NR1I2: variants seen among roughly 807,000 people sequenced by gnomAD.
NR1I2 encodes nuclear receptor subfamily 1 group I member 2, also known as orphan nuclear receptor PAR1.
NR1I2 carries 42 observed loss-of-function variants against 43.3 expected under a neutral mutation model. That is an observed-to-expected ratio of 0.97 (90% CI 0.76 to 1.26). The LOEUF is 1.26. Ranked by LOEUF, NR1I2 falls within the 50% of genes most tolerant of loss-of-function variation. The pLI, the probability that NR1I2 is intolerant of heterozygous loss-of-function variation, is 0.00. For synonymous variants in NR1I2, 229 were observed against 215.0 expected (o/e 1.06, Z -0.57); for missense variants, 559 against 566.7 (o/e 0.99, Z 0.14).
chr3:119,817,416 G>A lies in NR1I2; in HGVS notation c.*204G>A. 6.9e-7 allele frequency: 1 copy of A among 1,443,052 alleles called. No homozygotes were observed. The highest frequency in any genetic ancestry group is 9.1e-7 in the Non-Finnish European group (1 of 1,098,060). 89.4% of individuals were successfully genotyped at this position (1,443,052 alleles called of 1,614,324 possible). A position where few individuals can be genotyped will look rare whatever the true frequency, so the allele number is the denominator to read the frequency against. On this transcript the variant is annotated 3_prime_UTR_variant, in exon 9 of 9. Transcript: ENST00000393716. ...CCCCCACCCCCAGTTCAGTCTGTAG[G>A]GAGTGAAGCCACAGACTCTTACGTG...
chr3:119,818,196 G>A lies in NR1I2; in HGVS notation c.*984G>A. 1 of 985,778 alleles carries A rather than the reference G, an allele frequency of 1.0e-6. No individual in the cohort carries two copies. The highest frequency in any genetic ancestry group is 1.2e-6 in the Non-Finnish European group (1 of 830,060). The allele number at this position is 985,778 out of a possible 1,614,324, so 61.1% of individuals were successfully genotyped here. On this transcript the variant is annotated 3_prime_UTR_variant, in exon 9 of 9. Coordinates refer to ENST00000393716, the MANE Select transcript of NR1I2 (RefSeq NM_003889.4). Reference sequence around the variant, plus strand: ...GGGCCTGGGTTTGTTCCTGGGGCTGGAATGCTGGGTATGCTCTGTGACAAG... The same window carrying A: ...GGGCCTGGGTTTGTTCCTGGGGCTGAAATGCTGGGTATGCTCTGTGACAAG...
At chr3:119,801,822 G>A (rs74745893) in intron 1 of NR1I2, among the ~76,000 whole-genome samples, 5,252 of 152,254 alleles carry the variant, frequency 0.034, 297 homozygotes, top group African/African-American at 0.12. Flanking sequence ...TCACACATCT[G>A]CTGTTTGGTG....
intron 2 of NR1I2, among the ~76,000 whole-genome samples, chr3:119,809,111 T>C (rs981031492): frequency 6.6e-6 from 1 of 152,178 alleles, no homozygotes; most frequent in African/African-American, 2.4e-5. Context: ...ACCTGGCTGT[T>C]CCATGCTCCT....
rs370370376 is a variant in NR1I2 at position 119,792,883 on chromosome 3, A to AAAAC, written c.-23+10591_-23+10594dup. 1.7e-3 allele frequency among the ~76,000 whole-genome samples: 263 copies of AAAAC among 152,056 alleles called. 2 individuals carry two copies. Among genetic ancestry groups the AAAAC allele is most frequent in the African/African-American group, 5.9e-3 (244 of 41,472 alleles). On this transcript the variant is annotated intron_variant, in intron 1 of 8. Coordinates refer to ENST00000393716, the MANE Select transcript of NR1I2 (RefSeq NM_003889.4). The stretch of plus-strand genomic sequence containing the variant: ...GAGGAAGACTCCGTCTCAAAAACAA[A>AAAAC]AAACAAACAAAAAAAAAGAAACGTG...
intron 2 of NR1I2, among the ~76,000 whole-genome samples, chr3:119,809,052 G>A (rs992342408): frequency 6.6e-6 from 1 of 152,180 alleles, no homozygotes; most frequent in Non-Finnish European, 1.5e-5. Context: ...AGGTCACTGC[G>A]GGCTTGGCTC....
chr3:119,800,047 G>A (rs2055057826), intron 1 of NR1I2, among the ~76,000 whole-genome samples: 1 of 152,002 alleles, frequency 6.6e-6, no homozygotes. Flanking sequence ...CGCTTTTGGT[G>A]TCACATCTAA....
intron 1 of NR1I2, among the ~76,000 whole-genome samples, chr3:119,801,472 C>A (rs921919464): frequency 1.3e-5 from 2 of 152,218 alleles, no homozygotes; most frequent in Non-Finnish European, 2.9e-5. Context: ...CTCAGACACC[C>A]AGTCACTGTC....
In NR1I2 at chr3:119,817,671, C is replaced by G. The variant is rs1018423296; in HGVS notation, c.*459C>G. ...CCTCTAATAGTCCTGTCTCCCACTT[C>G]CCACTCGTTCCCCTCCTCTTCCGAG... On this transcript the variant is annotated 3_prime_UTR_variant, in exon 9 of 9. Coordinates refer to ENST00000393716, the MANE Select transcript of NR1I2 (RefSeq NM_003889.4). 2.7e-6 allele frequency: 3 copies of G among 1,116,166 alleles called. No homozygotes were observed. The highest frequency in any genetic ancestry group is 6.5e-5 in the East Asian group (1 of 15,368). The allele number at this position is 1,116,166 out of a possible 1,614,324, so 69.1% of individuals were successfully genotyped here.
intron 1 of NR1I2, chr3:119,792,168 C>A: frequency 1.1e-6 from 1 of 944,638 alleles, no homozygotes; most frequent in Non-Finnish European, 1.7e-6. Flanking sequence ...CTATGATGAG[C>A]GTGTGCTGCC....
chr3:119,810,304 GAACA>G, intron 3 of NR1I2, 110 bp downstream of exon 3: 6 of 1,456,652 alleles, frequency 4.1e-6, no homozygotes, highest in Non-Finnish European at 5.5e-6. Flanking sequence ...GTGTGCGCGT[GAACA>G]CACGTGCACA....
intron 2 of NR1I2, among the ~76,000 whole-genome samples, chr3:119,808,474 A>G (rs2055192433): frequency 6.6e-6 from 1 of 152,272 alleles, no homozygotes; most frequent in Admixed American, 6.5e-5. Flanking sequence ...AGCTGGGCAC[A>G]CGCCACTTGA....
rs3030846 is a variant in NR1I2, at chr3:119,787,657, ATGTGTGTGTGTGTGTG to A, written c.-23+5392_-23+5407del. On this transcript the variant is annotated intron_variant, in intron 1 of 8. Transcript: ENST00000393716. ...TCCTCTGGCCAGTTCTGCTATTAATATGTGTGTGTGTGTGTGTGTGTGTGTGTGTGTGTGTGTGTGT... is the reference window on the plus strand; with the variant it reads ...TCCTCTGGCCAGTTCTGCTATTAATATGTGTGTGTGTGTGTGTGTGTGTGT... 9.5e-3 allele frequency among the ~76,000 whole-genome samples: 1,219 copies of A among 128,492 alleles called. 5 individuals are homozygous for A. The highest frequency in any genetic ancestry group is 0.014 in the Non-Finnish European group (830 of 61,234). The allele number at this position is 128,492 out of a possible 152,430, so 84.3% of individuals were successfully genotyped here.
chr3:119,812,646 T>C (rs2055259988), intron 4 of NR1I2, 40 bp from the exon 5 acceptor site: 3 of 1,611,810 alleles, frequency 1.9e-6, no homozygotes, highest in Admixed American at 1.7e-5. Flanking sequence ...TGAAAGCACA[T>C]GCTGTCTCTC....
At position 119,818,337 on chromosome 3, in the gene NR1I2, T is replaced by C. The variant is rs1247858114; in HGVS notation, c.*1125T>C. The C allele has an allele frequency of 3.0e-6, 3 of 985,342 alleles. No individual in the cohort carries two copies. The highest frequency in any genetic ancestry group is 2.4e-6 in the Non-Finnish European group (2 of 829,930). The allele number at this position is 985,342 out of a possible 1,614,324, so 61.0% of individuals were successfully genotyped here. On this transcript the variant is annotated 3_prime_UTR_variant, in exon 9 of 9. Coordinates refer to ENST00000393716, the MANE Select transcript of NR1I2 (RefSeq NM_003889.4). ...GGTATGAAAGTGCCTGCCTTGTTTA[T>C]AGCCACTTGTGAGTAAAAATTTTTT...
In NR1I2 at chr3:119,812,658, T is replaced by C. The variant is rs774473057; in HGVS notation, c.520-28T>C. The C allele has an allele frequency of 1.1e-5, 18 of 1,612,850 alleles. No individual in the cohort carries two copies. In the South Asian group the frequency reaches 1.9e-4, roughly 17 times the overall value. On this transcript the variant is annotated intron_variant, in intron 4 of 8. Transcript: ENST00000393716. The stretch of plus-strand genomic sequence containing the variant: ...CTATGAAAGCACATGCTGTCTCTCC[T>C]CTGTCCACCTCCTGGCATGTGTCCT...
intron 4 of NR1I2, 134 bp from the exon 5 acceptor site, chr3:119,812,552 T>A (rs551708545): frequency 2.2e-6 from 2 of 901,232 alleles, no homozygotes; most frequent in East Asian, 4.8e-5. Context: ...TGCATGTGGG[T>A]GTGAATGCCT....
chr3:119,804,346 G>T (rs1038541340), intron 1 of NR1I2, among the ~76,000 whole-genome samples: 7 of 150,338 alleles, frequency 4.7e-5, no homozygotes, highest in African/African-American at 1.5e-4. Flanking sequence ...CTGCACTCCA[G>T]CCTGGGTGAC....
In NR1I2 at chr3:119,817,309, C is replaced by T. The variant is rs558395060; in HGVS notation, c.*97C>T. 22 of 1,597,198 alleles carry T rather than the reference C, an allele frequency of 1.4e-5. No individual in the cohort carries two copies. Among genetic ancestry groups the T allele is most frequent in the Middle Eastern group, 1.7e-4 (1 of 5,952 alleles). On this transcript the variant is annotated 3_prime_UTR_variant, in exon 9 of 9. Coordinates refer to ENST00000393716, the MANE Select transcript of NR1I2 (RefSeq NM_003889.4). ...AAGACAGATGGACACTGCCAAGAGC[C>T]GACAATGCCCTGCTGGCCTGTCTCC... is the stretch of plus-strand genomic sequence containing the variant.
intron 8 of NR1I2, among the ~76,000 whole-genome samples, chr3:119,816,041 T>G (rs1373155442): frequency 6.6e-6 from 1 of 152,206 alleles, no homozygotes; most frequent in Non-Finnish European, 1.5e-5. Context: ...GGGGCTTCTA[T>G]ACCTTCACTG....
Sources: gnomAD v4.1 joint callset for allele counts (sites outside exome capture counted in the v4.1 genomes callset) on GRCh38, gnomAD v4.1.1 for gene constraint, MANE v1.5 for transcripts, NCBI Gene and HGNC (gene_info 2026-07-23, HGNC 2026-07-21) for gene names.